The following NDEL1 variants were observed in gnomAD, a reference collection of about 807,000 sequenced individuals.
The protein encoded by NDEL1 is nudE neurodevelopment protein 1 like 1.
In NDEL1, 9 loss-of-function variants were observed where a neutral mutation model predicts 45.7. The observed-to-expected ratio is 0.20, with a 90% confidence interval of 0.12 to 0.34. The LOEUF is 0.34. Ranked by LOEUF, NDEL1 falls within the 10% of genes least tolerant of loss-of-function variation. The pLI is 1.00. For missense variants in NDEL1, 306 were observed against 406.2 expected (o/e 0.75, Z 2.12); for synonymous variants, 133 against 158.6 (o/e 0.84, Z 1.21).
At chr17:8,446,551 T>C (rs1419610371) in intron 3 of NDEL1, among the ~76,000 whole-genome samples, 2 of 152,226 alleles carry the variant, frequency 1.3e-5, no homozygotes, top group African/African-American at 4.8e-5. Context: ...TTGGGTTTCT[T>C]TCTGAGAGGA....
intron 1 of NDEL1, among the ~76,000 whole-genome samples, chr17:8,428,897 T>C (rs1163754627): frequency 1.3e-5 from 2 of 151,048 alleles, no homozygotes; most frequent in Admixed American, 1.3e-4. Context: ...ATGGTCTCGA[T>C]CTCCTGACCT....
At chr17:8,452,740 C>CTTTTTTTTTTTTTTTTTTTTCTTTT in intron 6 of NDEL1, among the ~76,000 whole-genome samples, 2 of 95,628 alleles carry the variant, frequency 2.1e-5, no homozygotes, top group Admixed American at 1.3e-4. Context: ...TTTTTCTTCT[C>CTTTTTTTTTTTTTTTTTTTTCTTTT]TTTTTTTTTT....
chr17:8,439,508 C>T (rs1909595955), intron 1 of NDEL1, among the ~76,000 whole-genome samples: 2 of 151,894 alleles, frequency 1.3e-5, no homozygotes, highest in Non-Finnish European at 2.9e-5. Context: ...CCTGCCTCAG[C>T]CTCCCAAAGT....
At chr17:8,461,602 T>A (rs1911210278) in intron 8 of NDEL1, among the ~76,000 whole-genome samples, 1 of 152,130 alleles carries the variant, frequency 6.6e-6, no homozygotes, top group African/African-American at 2.4e-5. Context: ...ATAAAATTGA[T>A]TTTCCTCAGG....
chr17:8,452,673 TTCTTTCTTTCTTTC>T (rs1482052587), intron 6 of NDEL1, among the ~76,000 whole-genome samples: 15 of 144,918 alleles, frequency 1.0e-4, no homozygotes, highest in African/African-American at 2.5e-5. Flanking sequence ...TTGTTTCTCT[TTCTTTCTTTCTTTC>T]TCTTTCTTTC....
At chr17:8,436,538 T>C (rs1222722363) in intron 1 of NDEL1, 1 of 152,406 alleles carries the variant, frequency 6.6e-6, no homozygotes, top group Non-Finnish European at 1.5e-5. Context: ...GCAGCCCACG[T>C]TGGGCTCGGA....
rs562598171 is a variant in NDEL1, at chr17:8,438,978, C to T, written c.-13+2933C>T. Among the ~76,000 whole-genome samples, 5 of 148,020 alleles carry T rather than the reference C, an allele frequency of 3.4e-5. No homozygotes were observed. The East Asian group carries it at 7.9e-4, about 23-fold the overall frequency. ...TTGAAACGGAGTCTCTCTCTGTCAC[C>T]CAGGCTGGAGTGGAGTGCGGTCGCG... is the stretch of plus-strand genomic sequence containing the variant. On this transcript the variant is annotated intron_variant, in intron 1 of 8. Coordinates refer to ENST00000334527, the MANE Select transcript of NDEL1 (RefSeq NM_030808.5).
intron 8 of NDEL1, chr17:8,462,855 C>G (rs191767550): frequency 6.5e-6 from 1 of 154,504 alleles, no homozygotes; most frequent in Admixed American, 6.5e-5. Context: ...CCTTCCCACC[C>G]GCTGAAACTT....
chr17:8,430,042 G>A (rs1471939232), intron 1 of NDEL1, among the ~76,000 whole-genome samples: 1 of 152,142 alleles, frequency 6.6e-6, no homozygotes, highest in African/African-American at 2.4e-5. Flanking sequence ...GATGCAAGCT[G>A]GGGAGGGAAA....
chr17:8,449,271 G>A (rs1003634929), intron 5 of NDEL1, among the ~76,000 whole-genome samples: 2 of 152,118 alleles, frequency 1.3e-5, no homozygotes, highest in Non-Finnish European at 2.9e-5. Context: ...GTGAGCCACC[G>A]CGCCTGGCCC....
chr17:8,423,120 G>C (rs1908744090), intron 1 of NDEL1, among the ~76,000 whole-genome samples: 1 of 152,108 alleles, frequency 6.6e-6, no homozygotes, highest in African/African-American at 2.4e-5. Context: ...GTGATCCCAT[G>C]TACTGTTATT....
At chr17:8,424,790 C>A (rs1013153507) in intron 1 of NDEL1, among the ~76,000 whole-genome samples, 20 of 143,044 alleles carry the variant, frequency 1.4e-4, no homozygotes, top group African/African-American at 4.6e-4. Flanking sequence ...AGGCGTGAGC[C>A]ACCGCGCCCA....
upstream of NDEL1, among the ~76,000 whole-genome samples, chr17:8,432,538 C>A (rs921585510): frequency 8.6e-5 from 13 of 151,258 alleles, no homozygotes; most frequent in African/African-American, 2.9e-4. Flanking sequence ...GCGTCCACCA[C>A]TACACCCAGC....
intron 1 of NDEL1, among the ~76,000 whole-genome samples, chr17:8,420,450 CTG>C (rs1217562237): frequency 1.3e-5 from 2 of 152,234 alleles, no homozygotes; most frequent in Non-Finnish European, 2.9e-5. Context: ...ATCCCACACT[CTG>C]TGTACAGAAA....
chr17:8,473,619 A>C (rs1415728727), intron 3 of NDEL1, among the ~76,000 whole-genome samples: 1 of 152,172 alleles, frequency 6.6e-6, no homozygotes, highest in Admixed American at 6.5e-5. Flanking sequence ...TGGTAGTGGC[A>C]CAGGAGGAAG....
intron 1 of NDEL1, among the ~76,000 whole-genome samples, chr17:8,440,663 A>G (rs1257176963): frequency 6.6e-6 from 1 of 152,224 alleles, no homozygotes; most frequent in Admixed American, 6.5e-5. Flanking sequence ...TAAAAACCTG[A>G]GTTATCAGGG....
At chr17:8,414,331 C>T (rs1908492253) in intron 1 of NDEL1, among the ~76,000 whole-genome samples, 1 of 152,100 alleles carries the variant, frequency 6.6e-6, no homozygotes, top group Admixed American at 6.5e-5. Flanking sequence ...AAAGGTTGTA[C>T]ATATATTTAG....
At chr17:8,416,200 T>C (rs563047280) in intron 1 of NDEL1, among the ~76,000 whole-genome samples, 19 of 152,210 alleles carry the variant, frequency 1.2e-4, no homozygotes, top group Admixed American at 9.8e-4. Context: ...TTCCCCTCCC[T>C]CCCAGGCCCT....
At chr17:8,432,372 T>TATTA (rs1909037517), upstream of NDEL1, among the ~76,000 whole-genome samples, 1 of 131,642 alleles carries the variant, frequency 7.6e-6, no homozygotes, top group Non-Finnish European at 1.6e-5. Context: ...ATATATATAT[T>TATTA]TAATGGCAGG....
Sources: gnomAD v4.1 joint callset for allele counts (sites outside exome capture counted in the v4.1 genomes callset) on GRCh38, gnomAD v4.1.1 for gene constraint, MANE v1.5 for transcripts, NCBI Gene and HGNC (gene_info 2026-07-23, HGNC 2026-07-21) for gene names.